SLC25A48: variants seen among roughly 807,000 people sequenced by gnomAD.
SLC25A48 encodes the protein CTC-321K16.1.
SLC25A48 carries 29 observed loss-of-function variants against 32.2 expected under a neutral mutation model. The observed-to-expected ratio is 0.90, with a 90% CI of 0.67 to 1.23. SLC25A48 has a LOEUF of 1.23. Ranked by LOEUF, SLC25A48 falls within the 50% of genes most tolerant of loss-of-function variation. The pLI, the probability that SLC25A48 is intolerant of heterozygous loss-of-function variation, is 0.00. For missense variants in SLC25A48, 399 were observed against 422.7 expected (o/e 0.94, Z 0.49); for synonymous variants, 164 against 172.3 (o/e 0.95, Z 0.38).
chr5:135,645,712 C>CTGTT (rs200407678), intron 3 of SLC25A48, among the ~76,000 whole-genome samples: 1,842 of 152,288 alleles, frequency 0.012, 51 homozygotes, highest in African/African-American at 0.042. Context: ...TGGGGCTTGT[C>CTGTT]CTTCAGTGGC....
intron 3 of SLC25A48, among the ~76,000 whole-genome samples, chr5:135,731,089 GA>G (rs1253063788): frequency 6.6e-6 from 1 of 152,122 alleles, no homozygotes; most frequent in Non-Finnish European, 1.5e-5. Flanking sequence ...GGCTGAGTCC[GA>G]AAAGAGAGTC....
At chr5:135,696,986 A>AT (rs1754282673) in intron 3 of SLC25A48, among the ~76,000 whole-genome samples, 1 of 152,216 alleles carries the variant, frequency 6.6e-6, no homozygotes, top group South Asian at 2.1e-4. Context: ...GGATAATTGA[A>AT]TTTTTTAAGA....
chr5:135,744,617 G>A (rs984168787), intron 3 of SLC25A48, among the ~76,000 whole-genome samples: 9 of 151,900 alleles, frequency 5.9e-5, no homozygotes, highest in Admixed American at 4.6e-4. Flanking sequence ...GATTACAGGC[G>A]TGAGCCACCG....
At chr5:135,728,045 C>T (rs1421895795) in intron 3 of SLC25A48, among the ~76,000 whole-genome samples, 1 of 152,072 alleles carries the variant, frequency 6.6e-6, no homozygotes, top group Non-Finnish European at 1.5e-5. Context: ...CACCTGAGGT[C>T]AGGAGTTTTG....
chr5:135,728,255 CA>C (rs10578008), intron 3 of SLC25A48, among the ~76,000 whole-genome samples: 68,754 of 131,118 alleles, frequency 0.52, 17,032 homozygotes, highest in Middle Eastern at 0.69. Context: ...GACTCTGTCT[CA>C]AAAAAAAAAA....
At chr5:135,851,292 C>T (rs1413220970) in intron 3 of SLC25A48, among the ~76,000 whole-genome samples, 1 of 152,164 alleles carries the variant, frequency 6.6e-6, no homozygotes, top group African/African-American at 2.4e-5. Flanking sequence ...TGGTGTAACT[C>T]CCTTGATCGG....
intron 3 of SLC25A48, among the ~76,000 whole-genome samples, chr5:135,708,053 A>G (rs1041498549): frequency 1.3e-5 from 2 of 152,180 alleles, no homozygotes; most frequent in African/African-American, 4.8e-5. Context: ...GGGCTGGGAC[A>G]TCATTTCCCT....
chr5:135,800,107 A>G (rs11738505), intron 3 of SLC25A48, among the ~76,000 whole-genome samples: 98,309 of 151,448 alleles, frequency 0.65, 34,148 homozygotes, highest in Non-Finnish European at 0.78. Context: ...CAGGTGGAAA[A>G]ACGATTATAT....
In SLC25A48 at chr5:135,767,956, C is replaced by CG. The variant is rs575692465; in HGVS notation, c.-520-44558dup. ...CCCCTGTGATATTGTTTGTAATATC[C>CG]GGGGGGGGGAGAGGATAATATTACT... is the stretch of plus-strand genomic sequence containing the variant. On this transcript the variant is annotated intron_variant, in intron 3 of 10. Coordinates refer to the SLC25A48 transcript ENST00000646290. Among the ~76,000 whole-genome samples, 1,071 of 126,876 alleles carry CG rather than the reference C, an allele frequency of 8.4e-3. 26 individuals are homozygous for CG. Among genetic ancestry groups the CG allele is most frequent in the African/African-American group, 0.02 (570 of 28,032 alleles). The allele number at this position is 126,876 out of a possible 152,430, so 83.2% of individuals were successfully genotyped here. A position where few individuals can be genotyped will look rare whatever the true frequency, so the allele number is the denominator to read the frequency against.
intron 3 of SLC25A48, among the ~76,000 whole-genome samples, chr5:135,740,466 A>G (rs541349018): frequency 1.3e-5 from 2 of 152,288 alleles, no homozygotes; most frequent in African/African-American, 4.8e-5. Flanking sequence ...GTGCATGGCA[A>G]CATATTCAAG....
chr5:135,765,491 T>A (rs1328810038), intron 3 of SLC25A48, among the ~76,000 whole-genome samples: 1 of 151,402 alleles, frequency 6.6e-6, no homozygotes, highest in Admixed American at 6.6e-5. Context: ...GTTGGTAATA[T>A]CCAGAGGGTG....
chr5:135,772,631 G>A (rs1009468814), intron 3 of SLC25A48, among the ~76,000 whole-genome samples: 1 of 149,880 alleles, frequency 6.7e-6, no homozygotes, highest in African/African-American at 2.5e-5. Context: ...ATAACTGGAG[G>A]GGGGGAGAAA....
intron 3 of SLC25A48, among the ~76,000 whole-genome samples, chr5:135,713,606 G>A (rs762774850): frequency 6.6e-5 from 10 of 152,210 alleles, no homozygotes; most frequent in Non-Finnish European, 1.3e-4. Flanking sequence ...TAGCAGTACC[G>A]ATGCTCCAAC....
intron 3 of SLC25A48, among the ~76,000 whole-genome samples, chr5:135,798,604 T>G (rs1051835584): frequency 2.6e-5 from 4 of 151,532 alleles, no homozygotes; most frequent in African/African-American, 9.7e-5. Flanking sequence ...GGTATTATGA[T>G]TAATATCCCC....
intron 1 of SLC25A48, among the ~76,000 whole-genome samples, chr5:135,604,300 A>G (rs2344483): frequency 0.19 from 28,265 of 152,234 alleles, 2,720 homozygotes; most frequent in East Asian, 0.31. Context: ...TACCCAGCCC[A>G]GGGCCAGCCT....
chr5:135,770,277 G>A (rs1469575145), intron 3 of SLC25A48, among the ~76,000 whole-genome samples: 1 of 135,392 alleles, frequency 7.4e-6, no homozygotes, highest in African/African-American at 2.8e-5. Context: ...TATTGCAGGG[G>A]GGTAAACCCC....
intron 1 of SLC25A48, among the ~76,000 whole-genome samples, chr5:135,597,935 C>T (rs561997176): frequency 1.1e-4 from 17 of 152,122 alleles, no homozygotes; most frequent in Non-Finnish European, 1.5e-4. Context: ...ACTCAGGAGA[C>T]GGAAGTTGCA....
chr5:135,830,801 C>G (rs776898541), upstream of SLC25A48, among the ~76,000 whole-genome samples: 1 of 152,152 alleles, frequency 6.6e-6, no homozygotes, highest in African/African-American at 2.4e-5. Context: ...CCTTTGAACT[C>G]GGTCCTGAGT....
intron 3 of SLC25A48, among the ~76,000 whole-genome samples, chr5:135,777,730 T>C (rs1477797164): frequency 6.6e-6 from 1 of 151,004 alleles, no homozygotes; most frequent in Non-Finnish European, 1.5e-5. Context: ...AGAATTATAT[T>C]ACTCCCAATA....
Sources: gnomAD v4.1 joint callset for allele counts (sites outside exome capture counted in the v4.1 genomes callset) on GRCh38, gnomAD v4.1.1 for gene constraint, MANE v1.5 for transcripts, NCBI Gene and HGNC (gene_info 2026-07-23, HGNC 2026-07-21) for gene names.